Variants in TACC2 observed in about 807,000 individuals in gnomAD.
TACC2 encodes the protein transforming acidic coiled-coil containing protein 2.
In TACC2, 137 loss-of-function variants were observed where a neutral mutation model predicts 227.3. The observed-to-expected ratio is 0.60, with a 90% CI of 0.52 to 0.69. The LOEUF (loss-of-function observed/expected upper bound fraction) is 0.69, where lower values mean the gene tolerates loss of function less well. Among genes scored for constraint, TACC2 ranks in the 30% least tolerant of loss-of-function variants. The pLI is 0.00. For missense variants in TACC2, 3,470 were observed against 3,694.4 expected (o/e 0.94, Z 1.57); for synonymous variants, 1,523 against 1,487.5 (o/e 1.02, Z -0.55).
chr10:122,005,382 CTTT>C (rs1250192833), intron 1 of TACC2, among the ~76,000 whole-genome samples: 3 of 119,182 alleles, frequency 2.5e-5, no homozygotes, highest in East Asian at 2.5e-4. Context: ...CCACGCCCAG[CTTT>C]TTTTTTTTTT....
intron 1 of TACC2, among the ~76,000 whole-genome samples, chr10:121,990,372 C>T (rs1193841707): frequency 6.6e-6 from 1 of 152,124 alleles, no homozygotes; most frequent in Non-Finnish European, 1.5e-5. Flanking sequence ...CCTGCCTCAG[C>T]CTCCCAAAGT....
At chr10:122,115,029 C>G (rs1180460470) in intron 5 of TACC2, among the ~76,000 whole-genome samples, 1 of 152,256 alleles carries the variant, frequency 6.6e-6, no homozygotes, top group Non-Finnish European at 1.5e-5. Flanking sequence ...AGGTAGGACT[C>G]CAACCCCAGA....
chr10:122,172,998 C>G (rs2093551880), intron 7 of TACC2, among the ~76,000 whole-genome samples: 2 of 152,076 alleles, frequency 1.3e-5, no homozygotes, highest in Non-Finnish European at 1.5e-5. Context: ...AGAGCTGTAC[C>G]CAGAACATCC....
chr10:122,227,776 G>T, intron 13 of TACC2, 61 bp from the exon 14 acceptor site: 1 of 1,542,556 alleles, frequency 6.5e-7, no homozygotes, highest in Non-Finnish European at 8.8e-7. Context: ...GGGCATCCTG[G>T]TTGATTTCAG....
Position 122,082,956 on chromosome 10 carries a change from G to C in TACC2, c.456G>C (p.Ala152=). The change falls in exon 4 of 23, where the codon GCG becomes GCC. Residue 152 remains alanine, a synonymous_variant. Transcript: ENST00000369005. ...PAPNAPGDIA[A]AFPAERDSST... is the part of the protein sequence containing the mutation. ...CAAATGCCCCAGGAGACATCGCGGC[G>C]GCATTTCCCGCTGAGAGGGACAGCT... is the stretch of plus-strand genomic sequence containing the variant. 1.9e-6 allele frequency: 3 copies of C among 1,612,886 alleles called. No homozygotes were observed. The highest frequency in any genetic ancestry group is 2.5e-6 in the Non-Finnish European group (3 of 1,180,024).
intron 5 of TACC2, among the ~76,000 whole-genome samples, chr10:122,089,036 T>G (rs749900043): frequency 6.6e-6 from 1 of 152,092 alleles, no homozygotes; most frequent in Non-Finnish European, 1.5e-5. Flanking sequence ...GATCGATCGT[T>G]TGAGCCCAGG....
At chr10:122,104,431 C>G (rs559738994) in intron 5 of TACC2, among the ~76,000 whole-genome samples, 6 of 151,958 alleles carry the variant, frequency 3.9e-5, no homozygotes, top group African/African-American at 1.4e-4. Flanking sequence ...TGCAGTGGTG[C>G]GATCTTGTCT....
At chr10:122,154,214 C>T (rs2092308373) in intron 7 of TACC2, among the ~76,000 whole-genome samples, 1 of 152,226 alleles carries the variant, frequency 6.6e-6, no homozygotes, top group Non-Finnish European at 1.5e-5. Flanking sequence ...CTTCCAAGGG[C>T]CTGATGCCGG....
intron 2 of TACC2, among the ~76,000 whole-genome samples, chr10:122,028,514 A>G (rs1466130095): frequency 6.6e-6 from 1 of 152,052 alleles, no homozygotes; most frequent in Non-Finnish European, 1.5e-5. Flanking sequence ...ATGTTTTTAA[A>G]TTTGCTATTC....
At chr10:122,027,040 G>A (rs1958119408) in intron 2 of TACC2, among the ~76,000 whole-genome samples, 1 of 152,186 alleles carries the variant, frequency 6.6e-6, no homozygotes, top group South Asian at 2.1e-4. Context: ...CCACCAAACT[G>A]TCTTTCAAAG....
At chr10:122,174,274 C>T (rs1012509084) in intron 7 of TACC2, among the ~76,000 whole-genome samples, 2 of 152,224 alleles carry the variant, frequency 1.3e-5, no homozygotes, top group African/African-American at 2.4e-5. Flanking sequence ...CCAGATCAGC[C>T]TTAGCCAGCG....
At chr10:122,163,669 A>ACACTCGGGCGCG in intron 7 of TACC2, 2 of 1,040,844 alleles carry the variant, frequency 1.9e-6, no homozygotes, top group Non-Finnish European at 2.3e-6. Context: ...AGAGCCGCGC[A>ACACTCGGGCGCG]CGCCGGCCAC....
chr10:122,216,973 T>TG, intron 11 of TACC2, 145 bp downstream of exon 11: 1 of 1,486,800 alleles, frequency 6.7e-7, no homozygotes, highest in Non-Finnish European at 9.0e-7. Context: ...CCGCTGCACT[T>TG]GCAGCTCAGG....
chr10:122,078,545 G>A (rs1299878002), intron 3 of TACC2, among the ~76,000 whole-genome samples: 4 of 152,130 alleles, frequency 2.6e-5, no homozygotes, highest in Admixed American at 6.6e-5. Context: ...CTAGTCCCTG[G>A]GCCCTCCCTG....
At chr10:122,131,271 A>G (rs2088051033) in intron 5 of TACC2, among the ~76,000 whole-genome samples, 1 of 151,964 alleles carries the variant, frequency 6.6e-6, no homozygotes, top group Non-Finnish European at 1.5e-5. Context: ...TCTTGTTCAC[A>G]GCAGAGAATT....
rs780434184 is a variant in TACC2 at position 122,211,745 on chromosome 10, G to A, written c.7283+37G>A. On this transcript the variant is annotated intron_variant, in intron 9 of 22. Transcript: ENST00000369005. ...GGTGGAGGTGGTAAGGATCAGAGGC[G>A]GGGGTGCGCATTGGCTGTGACCCTT... 33 of 1,508,088 alleles carry A rather than the reference G, an allele frequency of 2.2e-5. No homozygotes were observed. In the Middle Eastern group the frequency reaches 9.0e-4, roughly 41 times the overall value. The allele number at this position is 1,508,088 out of a possible 1,614,324, so 93.4% of individuals were successfully genotyped here. A position where few individuals can be genotyped will look rare whatever the true frequency, so the allele number is the denominator to read the frequency against.
In TACC2 at chr10:122,087,163, G is replaced by A. The variant is rs267602391; in HGVS notation, c.4663G>A (p.Glu1555Lys). Residue 1555 changes from glutamate (E) to lysine (K), a missense_variant, in exon 4 of 23, where the codon GAA becomes AAA. Glu to Lys is a moderately conservative substitution (Grantham distance 56). Around this residue, in one of 10 missense-constraint regions of TACC2, gnomAD observed 1,924 missense variants for 1,978.3 expected, o/e 0.97. Coordinates refer to ENST00000369005, the MANE Select transcript of TACC2 (RefSeq NM_206862.4). ...CTCACAGCTGGAGAGGAGCAGGCAG[G>A]AATTAGCTTCAGGTCTTCCTTCACC... ...AYSQLERSRQ[E>K]LASGLPSPAA... 3.1e-6 allele frequency: 5 copies of A among 1,611,388 alleles called. No individual in the cohort carries two copies. Among genetic ancestry groups the A allele is most frequent in the African/African-American group, 1.3e-5 (1 of 74,966 alleles).
rs138440519 is a variant in TACC2 at position 122,086,412 on chromosome 10, C to T, written c.3912C>T (p.Ile1304=). The T allele has an allele frequency of 2.1e-4, 340 of 1,613,658 alleles. No homozygotes were observed. The highest frequency in any genetic ancestry group is 2.5e-4 in the Non-Finnish European group (300 of 1,180,000). The change falls in exon 4 of 23, where the codon ATC becomes ATT. Residue 1304 remains isoleucine (I), a synonymous_variant. Transcript: ENST00000369005. ...AACCAGGAGCTGCAGGTGGGGAAAT[C>T]CCTGCAGTGCAAGCCAGCAGTGGTA... ...LLQPGAAGGE[I]PAVQASSGSP... is the part of the protein sequence containing the mutation.
chr10:122,040,269 TC>T, intron 2 of TACC2, among the ~76,000 whole-genome samples: 1 of 152,128 alleles, frequency 6.6e-6, no homozygotes, highest in Non-Finnish European at 1.5e-5. Context: ...AAGGGGGGCA[TC>T]ACCTGTTCCC....
Sources: allele counts gnomAD v4.1 joint callset (sites outside exome capture counted in the v4.1 genomes callset), GRCh38; gene constraint gnomAD v4.1.1; regional missense constraint gnomAD v4.1.1; transcripts MANE v1.5; gene names NCBI Gene and HGNC (gene_info 2026-07-23, HGNC 2026-07-21).